Variants in MICU1 observed in about 807,000 individuals in gnomAD.
MICU1 encodes mitochondrial calcium uptake 1.
A neutral mutation model predicts 56.8 loss-of-function variants in MICU1; 45 were observed. That is an observed-to-expected ratio of 0.79 (90% CI 0.62 to 1.02). MICU1 has a LOEUF of 1.02. Ranked by LOEUF, MICU1 falls within the 50% of genes least tolerant of loss-of-function variation. MICU1 has a pLI of 0.00. For synonymous variants in MICU1, 186 were observed against 195.1 expected (o/e 0.95, Z 0.39); for missense variants, 504 against 587.1 (o/e 0.86, Z 1.46).
At chr10:72,414,144 C>T (rs1022417117) in intron 9 of MICU1, among the ~76,000 whole-genome samples, 1 of 152,174 alleles carries the variant, frequency 6.6e-6, no homozygotes, top group African/African-American at 2.4e-5. Flanking sequence ...AAAATGAAAA[C>T]ACAGGTCTGC....
intron 5 of MICU1, among the ~76,000 whole-genome samples, chr10:72,522,757 G>A (rs970338297): frequency 6.6e-6 from 1 of 152,136 alleles, no homozygotes; most frequent in African/African-American, 2.4e-5. Flanking sequence ...TCACTGCAAA[G>A]AAGCAAGCAA....
chr10:72,568,855 C>G (rs1443347653), intron 1 of MICU1, among the ~76,000 whole-genome samples: 3 of 147,876 alleles, frequency 2.0e-5, no homozygotes, highest in African/African-American at 7.5e-5. Context: ...CGGGTTCAAG[C>G]GATTCTCCTG....
chr10:72,518,863 T>A (rs1173082985), intron 5 of MICU1, among the ~76,000 whole-genome samples: 3 of 152,140 alleles, frequency 2.0e-5, no homozygotes, highest in African/African-American at 7.2e-5. Flanking sequence ...GTATTTTTAG[T>A]AAAGACAGGG....
At chr10:72,454,614 C>G (rs1370953777) in intron 8 of MICU1, among the ~76,000 whole-genome samples, 2 of 151,218 alleles carry the variant, frequency 1.3e-5, no homozygotes, top group Admixed American at 6.6e-5. Flanking sequence ...GAAACCACGT[C>G]TCTATTAAAA....
intron 4 of MICU1, among the ~76,000 whole-genome samples, chr10:72,549,806 C>G (rs1188754041): frequency 6.6e-6 from 1 of 151,680 alleles, no homozygotes; most frequent in Admixed American, 6.6e-5. Context: ...TGGCACATGC[C>G]TGTAATGCCA....
chr10:72,564,267 G>A (rs551116826), intron 2 of MICU1, among the ~76,000 whole-genome samples: 8 of 152,250 alleles, frequency 5.3e-5, no homozygotes, highest in East Asian at 3.9e-4. Flanking sequence ...CTGGCCAGGC[G>A]TGGTGACTCA....
intron 8 of MICU1, among the ~76,000 whole-genome samples, chr10:72,468,820 T>C (rs1865870444): frequency 6.6e-6 from 1 of 152,224 alleles, no homozygotes; most frequent in Non-Finnish European, 1.5e-5. Context: ...AGACTGTACA[T>C]ATTCCAGAAA....
intron 6 of MICU1, among the ~76,000 whole-genome samples, chr10:72,492,517 C>T (rs1416021810): frequency 2.0e-5 from 3 of 151,942 alleles, no homozygotes; most frequent in African/African-American, 7.3e-5. Context: ...AATCCCAGCA[C>T]GTTGGGAGGT....
At chr10:72,536,216 T>C (rs1213872719) in intron 4 of MICU1, among the ~76,000 whole-genome samples, 1 of 152,148 alleles carries the variant, frequency 6.6e-6, no homozygotes, top group Non-Finnish European at 1.5e-5. Flanking sequence ...CACAAAGAAA[T>C]GACAAATGTT....
At chr10:72,377,267 C>G (rs112432544) in intron 10 of MICU1, among the ~76,000 whole-genome samples, 4 of 151,990 alleles carry the variant, frequency 2.6e-5, no homozygotes, top group Admixed American at 2.6e-4. Flanking sequence ...CTACTGGTGC[C>G]TGCCATCACG....
intron 6 of MICU1, among the ~76,000 whole-genome samples, chr10:72,488,096 T>C (rs1284689670): frequency 1.3e-5 from 2 of 150,874 alleles, no homozygotes; most frequent in African/African-American, 2.4e-5. Flanking sequence ...CTCGGGAGGC[T>C]GAGGCAGAAT....
rs1200691118 is a variant in MICU1 at position 72,572,168 on chromosome 10, G to A, written c.-1-5374C>T. Among the ~76,000 whole-genome samples, 3 of 151,820 alleles carry A rather than the reference G, an allele frequency of 2.0e-5. No individual in the cohort carries two copies. The East Asian group carries it at 5.8e-4, about 29-fold the overall frequency. ...CACTCACTGGTAAAATGAAAGAATT[G>A]CGTAGGTGAGCTTAGGGTTCCTTTT... is the stretch of plus-strand genomic sequence containing the variant. On this transcript the variant is annotated intron_variant, in intron 1 of 11. Coordinates refer to ENST00000361114, the MANE Select transcript of MICU1 (RefSeq NM_001195518.2).
intron 6 of MICU1, among the ~76,000 whole-genome samples, chr10:72,481,852 C>A (rs562741796): frequency 6.3e-4 from 96 of 152,294 alleles, no homozygotes; most frequent in African/African-American, 2.2e-3. Flanking sequence ...AACAATAAGA[C>A]CCTACACAAA....
intron 8 of MICU1, among the ~76,000 whole-genome samples, chr10:72,425,981 T>C (rs1864333184): frequency 1.3e-5 from 2 of 152,192 alleles, no homozygotes; most frequent in African/African-American, 4.8e-5. Context: ...GCATTGCTAA[T>C]CCAAAAACCC....
At chr10:72,574,465 G>A (rs1409321048) in intron 1 of MICU1, among the ~76,000 whole-genome samples, 2 of 152,138 alleles carry the variant, frequency 1.3e-5, no homozygotes, top group Non-Finnish European at 2.9e-5. Flanking sequence ...GTTGCAGTGA[G>A]CTGAGATTGC....
In MICU1 at chr10:72,522,050, A is replaced by G. The variant is rs546417156; in HGVS notation, c.537+11696T>C. ...TAAAAAATACATCATGCCAAAAACA[A>G]ATATGCAAATAAAGGACTATCCTCA... On this transcript the variant is annotated intron_variant, in intron 5 of 11. Transcript: ENST00000361114. Among the ~76,000 whole-genome samples the G allele has an allele frequency of 1.2e-3, 185 of 152,224 alleles. 1 individual carries two copies. The highest frequency in any genetic ancestry group is 4.0e-3 in the African/African-American group (166 of 41,574).
At chr10:72,441,504 T>C (rs1444836044) in intron 8 of MICU1, among the ~76,000 whole-genome samples, 3 of 149,190 alleles carry the variant, frequency 2.0e-5, no homozygotes, top group Non-Finnish European at 4.4e-5. Context: ...TGTATACCTG[T>C]GTATCAAACC....
At chr10:72,387,998 A>G (rs1862949472) in intron 10 of MICU1, among the ~76,000 whole-genome samples, 1 of 152,160 alleles carries the variant, frequency 6.6e-6, no homozygotes, top group Admixed American at 6.5e-5. Flanking sequence ...CAAGTATTCT[A>G]CTATCACCAT....
chr10:72,463,316 G>A (rs946581141), intron 8 of MICU1, among the ~76,000 whole-genome samples: 2 of 152,154 alleles, frequency 1.3e-5, no homozygotes, highest in Admixed American at 6.5e-5. Flanking sequence ...GCCCACCTTG[G>A]CCTCCAAAAG....
Sources: gnomAD v4.1 joint callset for allele counts (sites outside exome capture counted in the v4.1 genomes callset) on GRCh38, gnomAD v4.1.1 for gene constraint, MANE v1.5 for transcripts, NCBI Gene and HGNC (gene_info 2026-07-23, HGNC 2026-07-21) for gene names.